The following COL7A1 variants were observed in gnomAD, a reference collection of about 807,000 sequenced individuals.
COL7A1 encodes collagen alpha-1(VII) chain.
In COL7A1, 296 loss-of-function variants were observed where a neutral mutation model predicts 456.2. That is an observed-to-expected ratio of 0.65 (90% CI 0.59 to 0.71). The LOEUF is 0.71. COL7A1 is among the 30% of genes least tolerant of loss of function. The pLI is 0.00. For synonymous variants in COL7A1, 1,464 were observed against 1,525.9 expected, an observed-to-expected ratio of 0.96 and a Z score of 0.95; for missense variants, 3,441 against 4,017.2, an observed-to-expected ratio of 0.86 and a Z score of 3.88.
Position 48,586,409 on chromosome 3 carries a change from G to C in COL7A1, c.3473C>G (p.Pro1158Arg), listed in dbSNP as rs764914098. 1.9e-6 allele frequency: 3 copies of C among 1,613,882 alleles called. No homozygotes were observed. Among genetic ancestry groups the C allele is most frequent in the South Asian group, 2.2e-5 (2 of 91,074 alleles). ...PDAPGRRQHV[P>R]GVMVLLVDEP... ...ATCCACTAGCAGAACCATCACCCCT[G>C]GTACGTGCTGGCGGCGCCCAGGAGC... The change falls in exon 27 of 119, where the codon CCA (proline) becomes CGA (arginine). Residue 1158 changes from proline to arginine, a missense_variant. By Grantham distance (103) the Pro-to-Arg change is moderately radical. Around this residue, in one of 3 missense-constraint regions of COL7A1, gnomAD observed 2,084 missense variants for 2,501.3 expected, o/e 0.83. Coordinates refer to ENST00000681320, the MANE Select transcript of COL7A1 (RefSeq NM_000094.4). This position sits in a 1 kb window ranked among gnomAD's most constrained non-coding sequence, Gnocchi z 5.1.
rs142476373 is a variant in COL7A1 at position 48,593,570 on chromosome 3, G to A, written c.393C>T (p.Phe131=). 3.3e-5 allele frequency: 54 copies of A among 1,614,086 alleles called. No individual in the cohort carries two copies. In the African/African-American group the frequency reaches 6.8e-4, roughly 20 times the overall value. ...AAILHVADHV[F]LPQLARPGVP... ...CACCAGGTCGGGCCAGCTGGGGCAG[G>A]AAGACATGGTCAGCCACATGGAGAA... The change falls in exon 4 of 119, where the codon TTC becomes TTT. Residue 131 remains phenylalanine (F), a synonymous_variant. Transcript: ENST00000681320. The surrounding 1 kb of genome is among the most constrained non-coding windows in gnomAD (Gnocchi z 4.4).
At position 48,581,289 on chromosome 3, in the gene COL7A1, G is replaced by C. The variant is rs764853740; in HGVS notation, c.4870C>G (p.Pro1624Ala). 1 of 1,613,512 alleles carries C rather than the reference G, an allele frequency of 6.2e-7. No homozygotes were observed. The highest frequency in any genetic ancestry group is 1.1e-5 in the South Asian group (1 of 91,076). Reference sequence around the variant, plus strand: ...CGTCCTCGGGGGCCAACAGGTCCTGGGGGGCCAGGCCGCCCAGGGTCTCCC... The same window carrying C: ...CGTCCTCGGGGGCCAACAGGTCCTGCGGGGCCAGGCCGCCCAGGGTCTCCC... ...EKGDPGRPGP[P>A]GPVGPRGRDG... Residue 1624 changes from proline (P) to alanine (A), a missense_variant, in exon 52 of 119, where the codon CCA (proline) becomes GCA (alanine). Transcript: ENST00000681320. This position sits in a 1 kb window ranked among gnomAD's most constrained non-coding sequence, Gnocchi z 5.8.
rs1560207748 is a variant in COL7A1 at position 48,572,476 on chromosome 3, C to CA, written c.6936+26_6936+27insT. 5 of 1,613,862 alleles carry CA rather than the reference C, an allele frequency of 3.1e-6. No individual in the cohort carries two copies. Among genetic ancestry groups the CA allele is most frequent in the Admixed American group, 3.3e-5 (2 of 59,998 alleles). On this transcript the variant is annotated intron_variant, in intron 89 of 118. Transcript: ENST00000681320. The surrounding 1 kb of genome is among the most constrained non-coding windows in gnomAD (Gnocchi z 4.6). ...CTTGGCCCCCACCAGTTGACCCCCC[C>CA]TCACTGGCAGCCCCACACACACTCA...
rs2045962375 is a variant in COL7A1 at position 48,594,809 on chromosome 3, C to G, written c.86-261G>C. On this transcript the variant is annotated intron_variant, in intron 2 of 118. Coordinates refer to ENST00000681320, the MANE Select transcript of COL7A1 (RefSeq NM_000094.4). This position sits in a 1 kb window ranked among gnomAD's most constrained non-coding sequence, Gnocchi z 5.5. ...GTGGACTTGGGACTGAGGTCAGCCT[C>G]TAGGGGCCGGCGTGGATTGGCATAA... 6.6e-6 allele frequency among the ~76,000 whole-genome samples: 1 copy of G among 152,076 alleles called. No homozygotes were observed.
In COL7A1 at chr3:48,576,288, A is replaced by C; in HGVS notation, c.5781T>G (p.Pro1927=). ...ETGSKGEQGL[P]GERGLRGEPG... ...GCTCTCCTCGCAGGCCACGCTCTCC[A>C]GGGAGGCCCTGGAGAGATGAAGACA... The change falls in exon 71 of 119, where the codon CCT becomes CCG. Residue 1927 remains proline (P), a synonymous_variant. Transcript: ENST00000681320. 2.5e-6 allele frequency: 4 copies of C among 1,613,794 alleles called. No individual in the cohort carries two copies. Among genetic ancestry groups the C allele is most frequent in the Non-Finnish European group, 3.4e-6 (4 of 1,179,980 alleles).
chr3:48,573,194 G>A lies in COL7A1; in HGVS notation c.6694C>T (p.Pro2232Ser). ...PTGAVGLPGP[P>S]GPSGLVGPQG... ...CTCACCACAAGGCCTGAAGGGCCGG[G>A]GGGTCCAGGAAGTCCCACAGCTCCA... Residue 2232 changes from proline (P) to serine (S), a missense_variant, in exon 85 of 119, where the codon CCC becomes TCC. Transcript: ENST00000681320. This position sits in a 1 kb window ranked among gnomAD's most constrained non-coding sequence, Gnocchi z 5.5. 2 of 1,614,150 alleles carry A rather than the reference G, an allele frequency of 1.2e-6. No individual in the cohort carries two copies. The highest frequency in any genetic ancestry group is 1.7e-6 in the Non-Finnish European group (2 of 1,180,016).
At position 48,593,610 on chromosome 3, in the gene COL7A1, C is replaced by T. The variant is rs966257558; in HGVS notation, c.353G>A (p.Arg118His). The change falls in exon 4 of 119, where the codon CGC becomes CAC. Residue 118 changes from arginine (R) to histidine (H), a missense_variant. Arg to His is a conservative substitution (Grantham distance 29). Coordinates refer to ENST00000681320, the MANE Select transcript of COL7A1 (RefSeq NM_000094.4). The surrounding 1 kb of genome is among the most constrained non-coding windows in gnomAD (Gnocchi z 4.4). The part of the protein sequence containing the change: ...RELSYKGGNT[R>H]TGAAILHVAD... ...CACATGGAGAATTGCAGCCCCTGTG[C>T]GAGTGTTGCCCCCCTTGTAGCTAAG... 1.5e-5 allele frequency: 24 copies of T among 1,614,170 alleles called. No homozygotes were observed. The highest frequency in any genetic ancestry group is 1.8e-5 in the Non-Finnish European group (21 of 1,180,016).
chr3:48,585,463 T>G lies in COL7A1; in HGVS notation c.3894+94A>C. The G allele has an allele frequency of 7.1e-7, 1 of 1,399,924 alleles. No individual in the cohort carries two copies. The allele number at this position is 1,399,924 out of a possible 1,614,324, so 86.7% of individuals were successfully genotyped here. The stretch of plus-strand genomic sequence containing the variant: ...CAGCTGGGCTTCTAGGAATTCCCGA[T>G]GATTCTAACTCTGCTTCTTCCTTCT... On this transcript the variant is annotated intron_variant, in intron 32 of 118. Transcript: ENST00000681320. This position sits in a 1 kb window ranked among gnomAD's most constrained non-coding sequence, Gnocchi z 4.5.
rs889063223 is a variant in COL7A1 at position 48,576,783 on chromosome 3, GCAGCCAGCAT to G, written c.5605-22_5605-13del. The G allele has an allele frequency of 1.2e-6, 2 of 1,613,602 alleles. No individual in the cohort carries two copies. The highest frequency in any genetic ancestry group is 2.7e-5 in the African/African-American group (2 of 74,912). ...GGGCCATCACGACCCTGTGAAGGAT[GCAGCCAGCAT>G]CAGCACCCTGAGACCTCAGAAAAGA... On this transcript the variant is annotated splice_polypyrimidine_tract_variant and intron_variant, in intron 67 of 118. Transcript: ENST00000681320.
In COL7A1 at chr3:48,573,162, G is replaced by T; in HGVS notation, c.6714+12C>A. 6.2e-7 allele frequency: 1 copy of T among 1,614,002 alleles called. No individual in the cohort carries two copies. ...CACGGTGTCCCTACAGGGGCCACAGGGACTCACTCACCACAAGGCCTGAAG... is the reference window on the plus strand; with the variant it reads ...CACGGTGTCCCTACAGGGGCCACAGTGACTCACTCACCACAAGGCCTGAAG... On this transcript the variant is annotated intron_variant, in intron 85 of 118. Transcript: ENST00000681320. The surrounding 1 kb of genome is among the most constrained non-coding windows in gnomAD (Gnocchi z 5.5).
At position 48,590,521 on chromosome 3, in the gene COL7A1, C is replaced by A. The variant is rs2045617671; in HGVS notation, c.1844G>T (p.Arg615Met). The A allele has an allele frequency of 6.2e-7, 1 of 1,614,192 alleles. No homozygotes were observed. Among genetic ancestry groups the A allele is most frequent in the Admixed American group, 1.7e-5 (1 of 60,030 alleles). The stretch of plus-strand genomic sequence containing the variant: ...TCCAGGGACGGGTCCCCAGGCCACC[C>A]TCACTCGCGTTGCATCTGACACCAC... ...RVVVSDATRV[R>M]VAWGPVPGAS... Residue 615 changes from arginine (R) to methionine (M), a missense_variant, in exon 15 of 119, where the codon AGG becomes ATG. Transcript: ENST00000681320. The surrounding 1 kb of genome is among the most constrained non-coding windows in gnomAD (Gnocchi z 4.6).
In COL7A1 at chr3:48,578,796, C is replaced by A. The variant is rs1024925331; in HGVS notation, c.5424+123G>T. 1 of 1,037,952 alleles carries A rather than the reference C, an allele frequency of 9.6e-7. No homozygotes were observed. The highest frequency in any genetic ancestry group is 1.6e-5 in the African/African-American group (1 of 62,136). The allele number at this position is 1,037,952 out of a possible 1,614,324, so 64.3% of individuals were successfully genotyped here. ...AAAACCTGTGTGCCAGGGACTGAGA[C>A]CCTCCCAAAGGCAAGGCTGAACCGA... On this transcript the variant is annotated intron_variant, in intron 63 of 118. Coordinates refer to ENST00000681320, the MANE Select transcript of COL7A1 (RefSeq NM_000094.4). This position sits in a 1 kb window ranked among gnomAD's most constrained non-coding sequence, Gnocchi z 4.7.
In COL7A1 at chr3:48,567,405, C is replaced by T; in HGVS notation, c.8046+169G>A. The T allele has an allele frequency of 9.7e-7, 1 of 1,031,316 alleles. No individual in the cohort carries two copies. The highest frequency in any genetic ancestry group is 1.9e-5 in the Admixed American group (1 of 51,626). 63.9% of individuals were successfully genotyped at this position (1,031,316 alleles called of 1,614,324 possible). A position where few individuals can be genotyped will look rare whatever the true frequency, so the allele number is the denominator to read the frequency against. On this transcript the variant is annotated intron_variant, in intron 109 of 118. Coordinates refer to ENST00000681320, the MANE Select transcript of COL7A1 (RefSeq NM_000094.4). This position sits in a 1 kb window ranked among gnomAD's most constrained non-coding sequence, Gnocchi z 4.3. The stretch of plus-strand genomic sequence containing the variant: ...TCCACCTCCCATGCTTTCATCCTAA[C>T]TCCACTGTGACCCCAACCCACCTTG...
chr3:48,579,771 A>G lies in COL7A1; in HGVS notation c.5154+14T>C. On this transcript the variant is annotated intron_variant, in intron 58 of 118. Transcript: ENST00000681320. The surrounding 1 kb of genome is among the most constrained non-coding windows in gnomAD (Gnocchi z 4.4). ...CTGGGGTCTTTCTTACCCTCCACCC[A>G]CAGACCCTAATACCTTCTCTCTGGC... 6.2e-7 allele frequency: 1 copy of G among 1,614,022 alleles called. No individual in the cohort carries two copies. Among genetic ancestry groups the G allele is most frequent in the African/African-American group, 1.3e-5 (1 of 75,024 alleles).
At position 48,592,138 on chromosome 3, in the gene COL7A1, T is replaced by G. The variant is rs749897901; in HGVS notation, c.1204A>C (p.Ser402Arg). ...ATCAGGGAAGTGGCGGGCCCCACAC[T>G]GCGGCCAAATAGGGTGCTCACGGTC... is the stretch of plus-strand genomic sequence containing the variant. ...EVTVSTLFGR[S>R]VGPATSLMAR... The change falls in exon 10 of 119, where the codon AGT becomes CGT. Residue 402 changes from serine (S) to arginine (R), a missense_variant. By Grantham distance (110) the Ser-to-Arg change is moderately radical. Around this residue, in one of 3 missense-constraint regions of COL7A1, gnomAD observed 913 missense variants for 1,088.2 expected, o/e 0.84. Coordinates refer to ENST00000681320, the MANE Select transcript of COL7A1 (RefSeq NM_000094.4). The surrounding 1 kb of genome is among the most constrained non-coding windows in gnomAD (Gnocchi z 7.6). 12 of 1,613,850 alleles carry G rather than the reference T, an allele frequency of 7.4e-6. No individual in the cohort carries two copies. The highest frequency in any genetic ancestry group is 9.3e-6 in the Non-Finnish European group (11 of 1,180,000).
In COL7A1 at chr3:48,573,642, T is replaced by G. The variant is rs372150644; in HGVS notation, c.6573+48A>C. ...GCTCATCAGCTGTGGCCAATGCCTA[T>G]CCCAGCCCTTCCAGACCCTCACCAG... On this transcript the variant is annotated intron_variant, in intron 82 of 118. Coordinates refer to ENST00000681320, the MANE Select transcript of COL7A1 (RefSeq NM_000094.4). The surrounding 1 kb of genome is among the most constrained non-coding windows in gnomAD (Gnocchi z 5.5). 1.9e-6 allele frequency: 3 copies of G among 1,612,842 alleles called. No individual in the cohort carries two copies. The highest frequency in any genetic ancestry group is 2.5e-6 in the Non-Finnish European group (3 of 1,179,394).
Position 48,588,159 on chromosome 3 carries a change from C to A in COL7A1, c.2710+123G>T. Reference sequence around the variant, plus strand: ...TTCATTGATTGATCTTACCTACTGTCACGGATCCCGCAGACCCCCAGTGAC... The same window carrying A: ...TTCATTGATTGATCTTACCTACTGTAACGGATCCCGCAGACCCCCAGTGAC... On this transcript the variant is annotated intron_variant, in intron 21 of 118. Transcript: ENST00000681320. This position sits in a 1 kb window ranked among gnomAD's most constrained non-coding sequence, Gnocchi z 4.6. The A allele has an allele frequency of 6.7e-7, 1 of 1,491,482 alleles. No homozygotes were observed. The allele number at this position is 1,491,482 out of a possible 1,614,324, so 92.4% of individuals were successfully genotyped here.
At position 48,593,785 on chromosome 3, in the gene COL7A1, G is replaced by A. The variant is rs2045878871; in HGVS notation, c.267-89C>T. ...GAGGCCTCTAGGGTGAGGGTTACGGGTATCAGGCTCTCTTGAGGGGTCCCT... is the reference window on the plus strand; with the variant it reads ...GAGGCCTCTAGGGTGAGGGTTACGGATATCAGGCTCTCTTGAGGGGTCCCT... On this transcript the variant is annotated intron_variant, in intron 3 of 118. Coordinates refer to ENST00000681320, the MANE Select transcript of COL7A1 (RefSeq NM_000094.4). The surrounding 1 kb of genome is among the most constrained non-coding windows in gnomAD (Gnocchi z 4.4). 4 of 1,496,042 alleles carry A rather than the reference G, an allele frequency of 2.7e-6. No homozygotes were observed. The African/African-American group carries it at 5.5e-5, about 21-fold the overall frequency. The allele number at this position is 1,496,042 out of a possible 1,614,324, so 92.7% of individuals were successfully genotyped here. A position where few individuals can be genotyped will look rare whatever the true frequency, so the allele number is the denominator to read the frequency against.
At chr3:48,584,213 A>C (rs968265257) in intron 37 of COL7A1, 85 bp downstream of exon 37, 1 of 1,539,512 alleles carries the variant, frequency 6.5e-7, no homozygotes. Context: ...AAGGGTCACA[A>C]GGGCCAGAGT....
Sources: gnomAD v4.1 joint callset for allele counts (sites outside exome capture counted in the v4.1 genomes callset) on GRCh38, gnomAD v4.1.1 for gene constraint, gnomAD v4.1.1 regional missense constraint, Gnocchi (gnomAD v3.1) non-coding constraint, MANE v1.5 for transcripts, NCBI Gene and HGNC (gene_info 2026-07-23, HGNC 2026-07-21) for gene names.